The following ATG2B variants were observed in gnomAD, a reference collection of about 807,000 sequenced individuals.
ATG2B encodes the protein autophagy related 2B, also known as autophagy-related protein 2 homolog B.
Under a neutral mutation model 241.3 loss-of-function variants are expected in ATG2B, and 121 were observed. The observed-to-expected ratio is 0.50, with a 90% CI of 0.43 to 0.58. ATG2B has a LOEUF of 0.58. ATG2B is among the 20% of genes least tolerant of loss of function. ATG2B has a pLI of 0.00. For synonymous variants in ATG2B, 858 were observed against 876.6 expected (o/e 0.98, Z 0.37); for missense variants, 2,306 against 2,491.6 (o/e 0.93, Z 1.59).
In ATG2B at chr14:96,281,098, G is replaced by C. The variant is rs895078201; in HGVS notation, c.*4657C>G. 3.3e-5 allele frequency: 5 copies of C among 152,120 alleles called. No individual in the cohort carries two copies. The East Asian group carries it at 9.6e-4, about 29-fold the overall frequency. 9.4% of individuals were successfully genotyped at this position (152,120 alleles called of 1,614,324 possible). ...AAAACTCCATACAGCTCAGCAATCA[G>C]TAGCAGACAGACCCAAGATCTGCTA... On this transcript the variant is annotated 3_prime_UTR_variant, in exon 42 of 42. Coordinates refer to ENST00000359933, the MANE Select transcript of ATG2B (RefSeq NM_018036.7).
At chr14:96,338,829 C>T (rs563060599) in intron 6 of ATG2B, among the ~76,000 whole-genome samples, 1 of 152,180 alleles carries the variant, frequency 6.6e-6, no homozygotes, top group Admixed American at 6.5e-5. Flanking sequence ...AAGAAATAAC[C>T]AGCAGAGTAA....
At chr14:96,310,631 C>A (rs574348575) in intron 28 of ATG2B, among the ~76,000 whole-genome samples, 1 of 152,084 alleles carries the variant, frequency 6.6e-6, no homozygotes, top group African/African-American at 2.4e-5. Flanking sequence ...TTTAACCTCT[C>A]TATCTCACCA....
At chr14:96,342,156 A>G (rs1229598828) in intron 5 of ATG2B, among the ~76,000 whole-genome samples, 1 of 152,110 alleles carries the variant, frequency 6.6e-6, no homozygotes, top group Non-Finnish European at 1.5e-5. Context: ...ATGTAAGGTA[A>G]ATTTGCACAC....
chr14:96,339,332 A>G (rs1267327519), intron 6 of ATG2B, among the ~76,000 whole-genome samples: 1 of 151,856 alleles, frequency 6.6e-6, no homozygotes, highest in African/African-American at 2.4e-5. Context: ...ACATATATAC[A>G]CATATATACA....
chr14:96,311,035 C>T (rs2139858491), intron 28 of ATG2B, 82 bp downstream of exon 28: 2 of 1,262,296 alleles, frequency 1.6e-6, no homozygotes, highest in East Asian at 2.6e-5. Flanking sequence ...TCTTTTCTAC[C>T]TTATGACTGT....
chr14:96,347,052 C>T (rs1333531105), intron 2 of ATG2B, 127 bp downstream of exon 2: 2 of 739,650 alleles, frequency 2.7e-6, no homozygotes, highest in Non-Finnish European at 2.0e-6. Context: ...AGAGCCAAGT[C>T]GTAATGTATT....
chr14:96,345,108 A>T, intron 3 of ATG2B, 125 bp downstream of exon 3: 1 of 684,192 alleles, frequency 1.5e-6, no homozygotes, highest in African/African-American at 1.8e-5. Flanking sequence ...AAAGTTCTGA[A>T]GTGGGAACAG....
At chr14:96,313,228 A>T in intron 24 of ATG2B, 71 bp from the exon 25 acceptor site, 1 of 1,383,600 alleles carries the variant, frequency 7.2e-7, no homozygotes, top group South Asian at 1.2e-5. Context: ...AACAACAACA[A>T]CAACAACAAT....
chr14:96,332,711 T>C, intron 8 of ATG2B, 56 bp from the exon 9 acceptor site: 1 of 1,404,620 alleles, frequency 7.1e-7, no homozygotes, highest in Non-Finnish European at 9.5e-7. Flanking sequence ...TCAAGTCTTT[T>C]AAGTAAGTTA....
Position 96,363,210 on chromosome 14 carries a change from C to G in ATG2B, c.-234G>C. On this transcript the variant is annotated 5_prime_UTR_variant, in exon 1 of 42. Transcript: ENST00000359933. ...CTCCTGGCCCCAGGCCAGGGGACTT[C>G]CGAGGAGGGTCCCAACCGGCTCGGA... 1.9e-6 allele frequency: 1 copy of G among 517,762 alleles called. No homozygotes were observed. The allele number at this position is 517,762 out of a possible 1,614,324, so 32.1% of individuals were successfully genotyped here.
In ATG2B at chr14:96,290,329, T is replaced by C. The variant is rs974884841; in HGVS notation, c.5856+107A>G. 7.2e-6 allele frequency: 10 copies of C among 1,391,478 alleles called. No individual in the cohort carries two copies. The highest frequency in any genetic ancestry group is 9.7e-6 in the Non-Finnish European group (10 of 1,028,516). The allele number at this position is 1,391,478 out of a possible 1,614,324, so 86.2% of individuals were successfully genotyped here. A position where few individuals can be genotyped will look rare whatever the true frequency, so the allele number is the denominator to read the frequency against. On this transcript the variant is annotated intron_variant, in intron 40 of 41. Coordinates refer to ENST00000359933, the MANE Select transcript of ATG2B (RefSeq NM_018036.7). This position sits in a 1 kb window ranked among gnomAD's most constrained non-coding sequence, Gnocchi z 4.4. Reference sequence around the variant, plus strand: ...ATTAAATCACTACGAATAAAGTATCTACTCACAACATTTTGTATATCTTCA... The same window carrying C: ...ATTAAATCACTACGAATAAAGTATCCACTCACAACATTTTGTATATCTTCA...
chr14:96,328,287 T>A, intron 14 of ATG2B, 60 bp downstream of exon 14: 1 of 1,172,384 alleles, frequency 8.5e-7, no homozygotes, highest in South Asian at 2.0e-5. Flanking sequence ...AGAAATTATC[T>A]CAATAACCCT....
In ATG2B at chr14:96,322,694, A is replaced by C. The variant is rs765743841; in HGVS notation, c.2582T>G (p.Leu861Trp). 7 of 1,613,632 alleles carry C rather than the reference A, an allele frequency of 4.3e-6. No individual in the cohort carries two copies. The South Asian group carries it at 7.7e-5, about 18-fold the overall frequency. Reference protein sequence around the residue: ...KINPPAMHSILERIAAEEEEE... With the variant: ...KINPPAMHSIWERIAAEEEEE... Reference sequence around the variant, plus strand: ...TTCTTCTTCAGCTGCAATTCTCTCCAAAATGGAATGCATGGCTGGTGGATT... The same window carrying C: ...TTCTTCTTCAGCTGCAATTCTCTCCCAAATGGAATGCATGGCTGGTGGATT... The change falls in exon 17 of 42, where the codon TTG becomes TGG. Residue 861 changes from leucine (L) to tryptophan (W), a missense_variant. This residue lies in a region of ATG2B where 1,927 missense variants were observed against 2,011.2 expected (regional missense o/e 0.96). Transcript: ENST00000359933.
Position 96,345,384 on chromosome 14 carries a change from T to G in ATG2B, c.327A>C (p.Ala109=). ...ACCAATACATAGGCTCAGAACCAGT[T>G]GCTGTGGAAAATATAAATTAATCCT... is the stretch of plus-strand genomic sequence containing the variant. ...EMVFRPRPRP[A]TGSEPMYWSS... Residue 109 remains alanine, a splice_region_variant and synonymous_variant, in exon 3 of 42, where the codon GCA becomes GCC. Transcript: ENST00000359933. 1 of 1,590,998 alleles carries G rather than the reference T, an allele frequency of 6.3e-7. No homozygotes were observed. Among genetic ancestry groups the G allele is most frequent in the Non-Finnish European group, 8.5e-7 (1 of 1,172,658 alleles).
intron 2 of ATG2B, among the ~76,000 whole-genome samples, chr14:96,346,488 C>T (rs1888173148): frequency 1.3e-5 from 2 of 152,046 alleles, no homozygotes; most frequent in African/African-American, 2.4e-5. Context: ...CATGCATAAT[C>T]GGTTTTCAAA....
chr14:96,347,910 T>C (rs1346552510), intron 1 of ATG2B, among the ~76,000 whole-genome samples: 1 of 152,222 alleles, frequency 6.6e-6, no homozygotes, highest in Non-Finnish European at 1.5e-5. Flanking sequence ...ACACCCACTA[T>C]GGAGAACAAT....
At chr14:96,305,145 C>A (rs1886903620) in intron 31 of ATG2B, among the ~76,000 whole-genome samples, 1 of 152,174 alleles carries the variant, frequency 6.6e-6, no homozygotes, top group South Asian at 2.1e-4. Flanking sequence ...CTCCCAGCGA[C>A]CGGCACACTG....
chr14:96,340,271 T>C (rs766445810), intron 6 of ATG2B, among the ~76,000 whole-genome samples: 2 of 148,624 alleles, frequency 1.3e-5, no homozygotes, highest in Non-Finnish European at 3.0e-5. Context: ...TATGGACCCA[T>C]ATATGGACCA....
At chr14:96,329,330 T>C (rs1168868849) in intron 12 of ATG2B, among the ~76,000 whole-genome samples, 154 bp downstream of exon 12, 1 of 152,194 alleles carries the variant, frequency 6.6e-6, no homozygotes, top group Non-Finnish European at 1.5e-5. Flanking sequence ...CATTCTTAAA[T>C]ATATTTCTAT....
Sources: gnomAD v4.1 joint callset for allele counts (sites outside exome capture counted in the v4.1 genomes callset) on GRCh38, gnomAD v4.1.1 for gene constraint, gnomAD v4.1.1 regional missense constraint, Gnocchi (gnomAD v3.1) non-coding constraint, MANE v1.5 for transcripts, NCBI Gene and HGNC (gene_info 2026-07-23, HGNC 2026-07-21) for gene names.